The following OTUD3 variants were observed in gnomAD, a reference collection of about 807,000 sequenced individuals.
The protein encoded by OTUD3 is OTU deubiquitinase 3.
Under a neutral mutation model 46.2 loss-of-function variants are expected in OTUD3, and 24 were observed. The ratio of observed to expected loss-of-function variants is 0.52; its 90% confidence interval spans 0.38 to 0.73. OTUD3 has a LOEUF of 0.73. Ranked by LOEUF, OTUD3 falls within the 30% of genes least tolerant of loss-of-function variation. The pLI is 0.00. For missense variants in OTUD3, 455 were observed against 523.3 expected (o/e 0.87, Z 1.27); for synonymous variants, 189 against 195.4 (o/e 0.97, Z 0.27).
intron 2 of OTUD3, among the ~76,000 whole-genome samples, chr1:19,893,977 A>T (rs944515861): frequency 6.6e-6 from 1 of 152,240 alleles, no homozygotes; most frequent in Non-Finnish European, 1.5e-5. Flanking sequence ...CTCATGTATA[A>T]AATGGTTTGT....
intron 4 of OTUD3, among the ~76,000 whole-genome samples, chr1:19,898,648 T>C (rs892402492): frequency 1.3e-5 from 2 of 151,284 alleles, no homozygotes; most frequent in Non-Finnish European, 2.9e-5. Context: ...GAATCACTTG[T>C]ACCTGGGAGG....
intron 4 of OTUD3, among the ~76,000 whole-genome samples, chr1:19,901,006 T>A (rs2100301579): frequency 6.9e-6 from 1 of 145,636 alleles, no homozygotes. Context: ...GCCTCCCGGG[T>A]TCAAGCGATT....
chr1:19,904,256 G>C lies in OTUD3; in HGVS notation c.607-11G>C, dbSNP rs773309248. ...CAACATAGTTCCCTGATTATTACTTGTTTCCTTTAGTTTCAGATGCTTCAT... is the reference window on the plus strand; with the variant it reads ...CAACATAGTTCCCTGATTATTACTTCTTTCCTTTAGTTTCAGATGCTTCAT... On this transcript the variant is annotated splice_polypyrimidine_tract_variant and intron_variant, in intron 4 of 7. Transcript: ENST00000375120. 1 of 1,582,194 alleles carries C rather than the reference G, an allele frequency of 6.3e-7. No individual in the cohort carries two copies. The highest frequency in any genetic ancestry group is 1.9e-5 in the Admixed American group (1 of 53,610).
chr1:19,884,886 C>G (rs905846978), intron 1 of OTUD3, among the ~76,000 whole-genome samples: 1 of 152,096 alleles, frequency 6.6e-6, no homozygotes, highest in East Asian at 1.9e-4. Flanking sequence ...GTAACAGTGA[C>G]TGATTATAAT....
rs1438376691 is a variant in OTUD3, at chr1:19,912,009, T to C, written c.*4263T>C. 1 of 152,398 alleles carries C rather than the reference T, an allele frequency of 6.6e-6. No individual in the cohort carries two copies. The highest frequency in any genetic ancestry group is 1.5e-5 in the Non-Finnish European group (1 of 68,050). 9.4% of individuals were successfully genotyped at this position (152,398 alleles called of 1,614,324 possible). A position where few individuals can be genotyped will look rare whatever the true frequency, so the allele number is the denominator to read the frequency against. Reference sequence around the variant, plus strand: ...CTTTACTGTCCTCGTTAGGACTGTTTTGTGGTTCCATGAAAATGTTTAGCA... The same window carrying C: ...CTTTACTGTCCTCGTTAGGACTGTTCTGTGGTTCCATGAAAATGTTTAGCA... On this transcript the variant is annotated 3_prime_UTR_variant, in exon 8 of 8. Coordinates refer to ENST00000375120, the MANE Select transcript of OTUD3 (RefSeq NM_015207.2).
chr1:19,885,025 A>G (rs979185215), intron 1 of OTUD3, among the ~76,000 whole-genome samples: 3 of 152,190 alleles, frequency 2.0e-5, no homozygotes, highest in Non-Finnish European at 4.4e-5. Context: ...TGATTGGGTC[A>G]TGAAGGACCA....
In OTUD3 at chr1:19,912,618, C is replaced by T. The variant is rs2045746925; in HGVS notation, c.*4872C>T. ...TTGTTCTAGCTTCAGTCTGGAGATA[C>T]TTAAGACCTCCATGGGGTCGTGATC... On this transcript the variant is annotated 3_prime_UTR_variant, in exon 8 of 8. Coordinates refer to ENST00000375120, the MANE Select transcript of OTUD3 (RefSeq NM_015207.2). 6.6e-6 allele frequency: 1 copy of T among 152,380 alleles called. No homozygotes were observed. Among genetic ancestry groups the T allele is most frequent in the South Asian group, 2.1e-4 (1 of 4,834 alleles). 9.4% of individuals were successfully genotyped at this position (152,380 alleles called of 1,614,324 possible).
chr1:19,882,488 G>A lies in OTUD3; in HGVS notation c.-26G>A. Reference sequence around the variant, plus strand: ...GGGGGGTCCTGCGCCTTTCCCTCCTGCCGCTGGGGACTGCAGGCTAAGGCC... The same window carrying A: ...GGGGGGTCCTGCGCCTTTCCCTCCTACCGCTGGGGACTGCAGGCTAAGGCC... On this transcript the variant is annotated 5_prime_UTR_variant, in exon 1 of 8. Transcript: ENST00000375120. 1 of 1,346,880 alleles carries A rather than the reference G, an allele frequency of 7.4e-7. No individual in the cohort carries two copies. 83.4% of individuals were successfully genotyped at this position (1,346,880 alleles called of 1,614,324 possible).
At chr1:19,885,951 G>A (rs2100237373) in intron 1 of OTUD3, among the ~76,000 whole-genome samples, 1 of 152,298 alleles carries the variant, frequency 6.6e-6, no homozygotes, top group Admixed American at 6.5e-5. Context: ...GAACCTGAGG[G>A]GGTTTAGGGA....
At chr1:19,884,111 C>G (rs2045321135) in intron 1 of OTUD3, among the ~76,000 whole-genome samples, 2 of 152,202 alleles carry the variant, frequency 1.3e-5, no homozygotes, top group African/African-American at 4.8e-5. Context: ...CTAGCCTAAG[C>G]ATAAGCCCAA....
Position 19,911,224 on chromosome 1 carries a change from T to C in OTUD3, c.*3478T>C, listed in dbSNP as rs2045729741. Reference sequence around the variant, plus strand: ...TACCTCAAGGCTCTGTCTAGCCATGTTAAATCTTTAGACTCAGTCTGATGC... The same window carrying C: ...TACCTCAAGGCTCTGTCTAGCCATGCTAAATCTTTAGACTCAGTCTGATGC... On this transcript the variant is annotated 3_prime_UTR_variant, in exon 8 of 8. Coordinates refer to ENST00000375120, the MANE Select transcript of OTUD3 (RefSeq NM_015207.2). The C allele has an allele frequency of 6.6e-6, 1 of 152,330 alleles. No individual in the cohort carries two copies. The highest frequency in any genetic ancestry group is 2.4e-5 in the African/African-American group (1 of 41,446). 9.4% of individuals were successfully genotyped at this position (152,330 alleles called of 1,614,324 possible).
At chr1:19,886,613 T>TA (rs898891113) in intron 1 of OTUD3, among the ~76,000 whole-genome samples, 28 of 152,082 alleles carry the variant, frequency 1.8e-4, no homozygotes, top group Middle Eastern at 3.4e-3. Context: ...TGATGTTTTT[T>TA]AAAAAAAAAT....
chr1:19,886,066 A>G (rs970607394), intron 1 of OTUD3, among the ~76,000 whole-genome samples: 24 of 152,362 alleles, frequency 1.6e-4, no homozygotes, highest in African/African-American at 5.3e-4. Context: ...TTCCTGGACC[A>G]GCTTCATATT....
intron 3 of OTUD3, among the ~76,000 whole-genome samples, chr1:19,895,624 TAGA>T (rs1400911249): frequency 6.6e-6 from 1 of 152,190 alleles, no homozygotes; most frequent in East Asian, 1.9e-4. Context: ...CTTATGGGGA[TAGA>T]AGGAGCAGGA....
chr1:19,893,593 C>G lies in OTUD3; in HGVS notation c.371-775C>G, dbSNP rs185190256. ...GTCTAAGTGGTTGAACTCAGTCTCC[C>G]CTCTCACCCTATCACCACCACAAAG... On this transcript the variant is annotated intron_variant, in intron 2 of 7. Transcript: ENST00000375120. Among the ~76,000 whole-genome samples, 722 of 152,266 alleles carry G rather than the reference C, an allele frequency of 4.7e-3. 9 individuals carry two copies. Among genetic ancestry groups the G allele is most frequent in the African/African-American group, 0.017 (698 of 41,550 alleles).
chr1:19,891,500 A>G (rs1307775649), intron 2 of OTUD3, among the ~76,000 whole-genome samples: 2 of 152,196 alleles, frequency 1.3e-5, no homozygotes, highest in African/African-American at 4.8e-5. Context: ...CACTGGCCAG[A>G]TGAGAGTAGA....
At chr1:19,904,870 G>T (rs1419359188) in intron 5 of OTUD3, 21 bp from the exon 6 acceptor site, 4 of 1,241,876 alleles carry the variant, frequency 3.2e-6, no homozygotes, top group Admixed American at 2.0e-5. Flanking sequence ...TGGTTTTTTT[G>T]TTTGTTTGTT....
intron 4 of OTUD3, among the ~76,000 whole-genome samples, chr1:19,900,853 C>A (rs1482244391): frequency 1.4e-5 from 2 of 142,274 alleles, no homozygotes; most frequent in African/African-American, 5.2e-5. Flanking sequence ...TTAAAAAAAA[C>A]AAAATGAATG....
At chr1:19,886,810 C>T (rs2045367929) in intron 1 of OTUD3, among the ~76,000 whole-genome samples, 1 of 152,168 alleles carries the variant, frequency 6.6e-6, no homozygotes, top group Non-Finnish European at 1.5e-5. Context: ...GGGTGGGCCC[C>T]AGCATTTTCA....
Sources: gnomAD v4.1 joint callset for allele counts (sites outside exome capture counted in the v4.1 genomes callset) on GRCh38, gnomAD v4.1.1 for gene constraint, MANE v1.5 for transcripts, NCBI Gene and HGNC (gene_info 2026-07-23, HGNC 2026-07-21) for gene names.